ITGA5: variants seen among roughly 807,000 people sequenced by gnomAD.
ITGA5 encodes integrin alpha-5.
In ITGA5, 55 loss-of-function variants were observed where a neutral mutation model predicts 146.3. The ratio of observed to expected loss-of-function variants is 0.38; its 90% CI spans 0.30 to 0.47. The LOEUF is 0.47. ITGA5 is among the 20% of genes least tolerant of loss of function. The pLI, the probability that ITGA5 is intolerant of heterozygous loss-of-function variation, is 0.99. For missense variants in ITGA5, 1,131 were observed against 1,329.0 expected (o/e 0.85, Z 2.32); for synonymous variants, 500 against 531.8 (o/e 0.94, Z 0.82).
Position 54,408,239 on chromosome 12 carries a change from G to C in ITGA5, c.692-4C>G. 6.2e-7 allele frequency: 1 copy of C among 1,614,020 alleles called. No individual in the cohort carries two copies. ...TGAGTGGCAGACAGGATCTGGCCTG[G>C]AGAGAGTATGAAGAGGGAGTAGATG... On this transcript the variant is annotated splice_polypyrimidine_tract_variant and splice_region_variant and intron_variant, in intron 6 of 29. Coordinates refer to ENST00000293379, the MANE Select transcript of ITGA5 (RefSeq NM_002205.5).
chr12:54,396,242 G>T lies in ITGA5; in HGVS notation c.*51C>A. On this transcript the variant is annotated 3_prime_UTR_variant, in exon 30 of 30. Coordinates refer to ENST00000293379, the MANE Select transcript of ITGA5 (RefSeq NM_002205.5). ...CCAGACCCCTCCTTTTCAGTAGAAT[G>T]AGGGTGGGGGGACTGGTTCTTCAGG... is the stretch of plus-strand genomic sequence containing the variant. 7.1e-7 allele frequency: 1 copy of T among 1,415,866 alleles called. No homozygotes were observed. Among genetic ancestry groups the T allele is most frequent in the Non-Finnish European group, 1.0e-6 (1 of 1,000,750 alleles). 87.7% of individuals were successfully genotyped at this position (1,415,866 alleles called of 1,614,324 possible). A position where few individuals can be genotyped will look rare whatever the true frequency, so the allele number is the denominator to read the frequency against.
chr12:54,396,190 C>T lies in ITGA5; in HGVS notation c.*103G>A. ...CTGGGCTGGGGAGAGGAGCTTCTCC[C>T]TGGCCGTCAGCACCTTCAAGAAGTA... On this transcript the variant is annotated 3_prime_UTR_variant, in exon 30 of 30. Coordinates refer to ENST00000293379, the MANE Select transcript of ITGA5 (RefSeq NM_002205.5). 1.1e-6 allele frequency: 1 copy of T among 903,578 alleles called. No individual in the cohort carries two copies. The highest frequency in any genetic ancestry group is 1.8e-6 in the Non-Finnish European group (1 of 565,648). The allele number at this position is 903,578 out of a possible 1,614,324, so 56.0% of individuals were successfully genotyped here.
In ITGA5 at chr12:54,402,168, G is replaced by A. The variant is rs115027472; in HGVS notation, c.2133+12C>T. On this transcript the variant is annotated intron_variant, in intron 20 of 29. Transcript: ENST00000293379. Reference sequence around the variant, plus strand: ...GTATCCTCCCAAATCCCACTCGAGAGTCTCATCTCACCCCTGGGTGTCTGA... The same window carrying A: ...GTATCCTCCCAAATCCCACTCGAGAATCTCATCTCACCCCTGGGTGTCTGA... The A allele has an allele frequency of 5.6e-4, 905 of 1,613,298 alleles. 7 individuals carry two copies. The African/African-American group carries it at 0.011, about 19-fold the overall frequency.
In ITGA5 at chr12:54,411,711, G is replaced by A. The variant is rs555445053; in HGVS notation, c.349+123C>T. The stretch of plus-strand genomic sequence containing the variant: ...GTAAGCAGTTGGAGCACCAGAGCTG[G>A]TGCTGAGAGGTCACGTGGCCGGGGT... On this transcript the variant is annotated intron_variant, in intron 2 of 29. Transcript: ENST00000293379. The A allele has an allele frequency of 1.2e-4, 87 of 719,580 alleles. 1 individual carries two copies. The African/African-American group carries it at 1.5e-3, about 12-fold the overall frequency. The allele number at this position is 719,580 out of a possible 1,614,324, so 44.6% of individuals were successfully genotyped here.
rs1379125608 is a variant in ITGA5, at chr12:54,409,959, G to A, written c.350-362C>T. Reference sequence around the variant, plus strand: ...GCAACCTCCGCCTCCCTGGTTCAAGGGATTCTCCTGCCTCAGCCTCCTCAG... The same window carrying A: ...GCAACCTCCGCCTCCCTGGTTCAAGAGATTCTCCTGCCTCAGCCTCCTCAG... On this transcript the variant is annotated intron_variant, in intron 2 of 29. Transcript: ENST00000293379. This position sits in a 1 kb window ranked among gnomAD's most constrained non-coding sequence, Gnocchi z 4.7. Among the ~76,000 whole-genome samples the A allele has an allele frequency of 1.3e-5, 2 of 151,414 alleles. No homozygotes were observed. The highest frequency in any genetic ancestry group is 6.6e-5 in the Admixed American group (1 of 15,194).
chr12:54,401,967 C>T lies in ITGA5; in HGVS notation c.2226+34G>A. The T allele has an allele frequency of 6.2e-7, 1 of 1,609,680 alleles. No individual in the cohort carries two copies. Among genetic ancestry groups the T allele is most frequent in the South Asian group, 1.1e-5 (1 of 90,966 alleles). Reference sequence around the variant, plus strand: ...TGGTTACCGCCCTCAGGTCTGCTCTCCCTCTGTCCCATCCTCTTTCATCCC... The same window carrying T: ...TGGTTACCGCCCTCAGGTCTGCTCTTCCTCTGTCCCATCCTCTTTCATCCC... On this transcript the variant is annotated intron_variant, in intron 21 of 29. Transcript: ENST00000293379. This position sits in a 1 kb window ranked among gnomAD's most constrained non-coding sequence, Gnocchi z 5.0.
Position 54,396,134 on chromosome 12 carries a change from C to T in ITGA5, c.*159G>A. On this transcript the variant is annotated 3_prime_UTR_variant, in exon 30 of 30. Coordinates refer to ENST00000293379, the MANE Select transcript of ITGA5 (RefSeq NM_002205.5). ...GGGGGGAGGGATCCCCAGCTCCTCACCCCCCTGGCTCTGGCCCTTCAAGTA... is the reference window on the plus strand; with the variant it reads ...GGGGGGAGGGATCCCCAGCTCCTCATCCCCCTGGCTCTGGCCCTTCAAGTA... 2 of 605,434 alleles carry T rather than the reference C, an allele frequency of 3.3e-6. No homozygotes were observed. The highest frequency in any genetic ancestry group is 5.9e-6 in the Non-Finnish European group (2 of 338,130). The allele number at this position is 605,434 out of a possible 1,614,324, so 37.5% of individuals were successfully genotyped here. A position where few individuals can be genotyped will look rare whatever the true frequency, so the allele number is the denominator to read the frequency against.
At chr12:54,410,994 T>G (rs1955937427) in intron 2 of ITGA5, among the ~76,000 whole-genome samples, 1 of 152,232 alleles carries the variant, frequency 6.6e-6, no homozygotes. Flanking sequence ...CCCAAAGTGC[T>G]GGGATTACAA....
Position 54,403,357 on chromosome 12 carries a change from G to A in ITGA5, c.1777-33C>T, listed in dbSNP as rs750307001. ...CAGAGGAGAGAGTTCACGGAGTCAG[G>A]GGACTCTGGAGACTTAGTGGCCCTG... On this transcript the variant is annotated intron_variant, in intron 17 of 29. Transcript: ENST00000293379. This position sits in a 1 kb window ranked among gnomAD's most constrained non-coding sequence, Gnocchi z 4.9. 2.3e-5 allele frequency: 34 copies of A among 1,500,642 alleles called. No homozygotes were observed. Among genetic ancestry groups the A allele is most frequent in the Non-Finnish European group, 2.8e-5 (31 of 1,124,662 alleles). 93.0% of individuals were successfully genotyped at this position (1,500,642 alleles called of 1,614,324 possible).
chr12:54,399,825 C>T (rs1363903926), intron 26 of ITGA5, 39 bp downstream of exon 26: 16 of 1,606,196 alleles, frequency 1.0e-5, no homozygotes, highest in African/African-American at 5.3e-5. Context: ...CCAGAGTACT[C>T]AACACTTTGG....
At position 54,405,148 on chromosome 12, in the gene ITGA5, T is replaced by G. The variant is rs1328975722; in HGVS notation, c.1225+18A>C. 1 of 1,555,848 alleles carries G rather than the reference T, an allele frequency of 6.4e-7. No homozygotes were observed. The highest frequency in any genetic ancestry group is 8.7e-7 in the Non-Finnish European group (1 of 1,146,396). ...GGCCCCTGCCTCCTCTTTCACTCTC[T>G]GAGCCCATGGTACTCACCATTGTAG... On this transcript the variant is annotated intron_variant, in intron 12 of 29. Transcript: ENST00000293379.
chr12:54,406,645 T>C (rs1955869909), intron 9 of ITGA5, among the ~76,000 whole-genome samples: 1 of 152,224 alleles, frequency 6.6e-6, no homozygotes, highest in Admixed American at 6.5e-5. Context: ...TTCCATATTC[T>C]ACTCATCCTC....
Position 54,404,908 on chromosome 12 carries a change from AAC to A in ITGA5, c.1226-16_1226-15del, listed in dbSNP as rs776424566. ...CGATGGCCACATCTGGAAGACACAGAACACACACTAGTCAGCAGGCCAGGAAT... is the reference window on the plus strand; with the variant it reads ...CGATGGCCACATCTGGAAGACACAGAACACACTAGTCAGCAGGCCAGGAAT... On this transcript the variant is annotated splice_polypyrimidine_tract_variant and intron_variant, in intron 12 of 29. Coordinates refer to ENST00000293379, the MANE Select transcript of ITGA5 (RefSeq NM_002205.5). 2 of 1,543,756 alleles carry A rather than the reference AAC, an allele frequency of 1.3e-6. No homozygotes were observed. The highest frequency in any genetic ancestry group is 2.3e-5 in the East Asian group (1 of 43,486).
At position 54,416,464 on chromosome 12, in the gene ITGA5, G is replaced by A. The variant is rs1565645782; in HGVS notation, c.218+2517C>T. The stretch of plus-strand genomic sequence containing the variant: ...TACAATCCAATGGAAAAATCGATAT[G>A]AAAGTGCTAAAGGAATATGACAGAC... On this transcript the variant is annotated intron_variant, in intron 1 of 29. Transcript: ENST00000293379. The surrounding 1 kb of genome is among the most constrained non-coding windows in gnomAD (Gnocchi z 4.1). Among the ~76,000 whole-genome samples the A allele has an allele frequency of 6.6e-6, 1 of 152,218 alleles. No homozygotes were observed. The highest frequency in any genetic ancestry group is 1.5e-5 in the Non-Finnish European group (1 of 68,038).
intron 19 of ITGA5, among the ~76,000 whole-genome samples, chr12:54,402,695 C>T (rs1460952022): frequency 2.0e-5 from 3 of 149,378 alleles, no homozygotes; most frequent in African/African-American, 4.9e-5. Context: ...GGCATGACTC[C>T]GTCTCAAAAA....
chr12:54,405,409 C>G, intron 11 of ITGA5, 35 bp from the exon 12 acceptor site: 2 of 1,508,284 alleles, frequency 1.3e-6, no homozygotes, highest in South Asian at 2.4e-5. Flanking sequence ...ATCTCGATAC[C>G]CTGTCTTGCC....
intron 2 of ITGA5, among the ~76,000 whole-genome samples, chr12:54,411,203 A>G (rs550057837): frequency 1.5e-4 from 23 of 152,352 alleles, no homozygotes; most frequent in Admixed American, 1.5e-3. Context: ...CCTAGTTCAT[A>G]TCCTCTCTCC....
chr12:54,404,311 G>A, intron 14 of ITGA5, 65 bp from the exon 15 acceptor site: 1 of 1,570,704 alleles, frequency 6.4e-7, no homozygotes, highest in South Asian at 1.1e-5. Context: ...ACAGGAAACT[G>A]ATGCCCAAGC....
intron 9 of ITGA5, among the ~76,000 whole-genome samples, chr12:54,406,586 C>A (rs1955869110): frequency 6.6e-6 from 1 of 152,204 alleles, no homozygotes; most frequent in Non-Finnish European, 1.5e-5. Flanking sequence ...GGCTGGTCCT[C>A]CAAAGCTCTG....
Sources: gnomAD v4.1 joint callset for allele counts (sites outside exome capture counted in the v4.1 genomes callset) on GRCh38, gnomAD v4.1.1 for gene constraint, Gnocchi (gnomAD v3.1) non-coding constraint, MANE v1.5 for transcripts, NCBI Gene and HGNC (gene_info 2026-07-23, HGNC 2026-07-21) for gene names.